Variants in VEPH1 observed in about 807,000 individuals in gnomAD.
VEPH1 encodes ventricular zone-expressed PH domain-containing protein homolog 1.
In VEPH1, 80 loss-of-function variants were observed where a neutral mutation model predicts 85.2. The ratio of observed to expected loss-of-function variants is 0.94; its 90% CI spans 0.78 to 1.13. VEPH1 has a LOEUF of 1.13. Among genes scored for constraint, VEPH1 ranks in the 50% most tolerant of loss-of-function variants. VEPH1 has a pLI of 0.00. For synonymous variants in VEPH1, 297 were observed against 348.0 expected, an observed-to-expected ratio of 0.85 and a Z score of 1.63; for missense variants, 955 against 980.5, an observed-to-expected ratio of 0.97 and a Z score of 0.35.
chr3:157,312,591 A>G (rs1465525211), intron 11 of VEPH1, among the ~76,000 whole-genome samples: 3 of 152,194 alleles, frequency 2.0e-5, no homozygotes, highest in Non-Finnish European at 4.4e-5. Flanking sequence ...TCTCATTTTC[A>G]GAGTGATATT....
intron 4 of VEPH1, among the ~76,000 whole-genome samples, chr3:157,454,982 C>T (rs1045318558): frequency 2.6e-5 from 4 of 152,148 alleles, no homozygotes; most frequent in Non-Finnish European, 4.4e-5. Context: ...TTTCTTCATC[C>T]AATCCACTGT....
intron 2 of VEPH1, among the ~76,000 whole-genome samples, chr3:157,485,325 G>A (rs114788791): frequency 1.1e-3 from 167 of 152,234 alleles, no homozygotes; most frequent in African/African-American, 3.7e-3. Context: ...TGCACATGTA[G>A]GCCATGACAA....
At chr3:157,486,734 CTACATAAGTATTAGCTATTATAATTTACA>C (rs879773196) in intron 2 of VEPH1, among the ~76,000 whole-genome samples, 3 of 152,072 alleles carry the variant, frequency 2.0e-5, no homozygotes, top group Admixed American at 2.0e-4. Flanking sequence ...ACAATAAGTG[CTACATAAGTATTAGCTATTATAATTTACA>C]CAGATTAGCC....
chr3:157,454,435 G>A lies in VEPH1; in HGVS notation c.529+5746C>T, dbSNP rs12634442. 8.6e-3 allele frequency among the ~76,000 whole-genome samples: 1,315 copies of A among 152,156 alleles called. 24 individuals are homozygous for A. The highest frequency in any genetic ancestry group is 0.068 in the East Asian group (353 of 5,176). ...GCAATGGTACTAAGAACCCACCTTAGGAATGTCTGGTACAATGAGCTTAAG... is the reference window on the plus strand; with the variant it reads ...GCAATGGTACTAAGAACCCACCTTAAGAATGTCTGGTACAATGAGCTTAAG... On this transcript the variant is annotated intron_variant, in intron 4 of 13. Transcript: ENST00000362010.
At chr3:157,276,561 A>C (rs1421953737) in intron 12 of VEPH1, among the ~76,000 whole-genome samples, 1 of 152,250 alleles carries the variant, frequency 6.6e-6, no homozygotes, top group African/African-American at 2.4e-5. Flanking sequence ...GTAAAACTGC[A>C]AAACCAATTG....
At chr3:157,341,694 G>A (rs1203170222) in intron 9 of VEPH1, among the ~76,000 whole-genome samples, 4 of 152,110 alleles carry the variant, frequency 2.6e-5, no homozygotes, top group Admixed American at 6.6e-5. Context: ...GATACTCCTC[G>A]AGAAGAGCAA....
At chr3:157,284,532 C>G (rs1716534275) in intron 12 of VEPH1, among the ~76,000 whole-genome samples, 1 of 152,028 alleles carries the variant, frequency 6.6e-6, no homozygotes, top group Non-Finnish European at 1.5e-5. Context: ...AATACTGTCT[C>G]CATGAAAAAT....
At chr3:157,361,284 CA>C (rs1726022905) in intron 9 of VEPH1, among the ~76,000 whole-genome samples, 1 of 152,188 alleles carries the variant, frequency 6.6e-6, no homozygotes, top group Non-Finnish European at 1.5e-5. Flanking sequence ...AAAGTTAGTG[CA>C]AACACTTTTG....
At chr3:157,381,442 T>C in intron 6 of VEPH1, 66 bp from the exon 7 acceptor site, 1 of 1,536,978 alleles carries the variant, frequency 6.5e-7, no homozygotes, top group Admixed American at 1.7e-5. Context: ...ATGGTGGTCA[T>C]GCCTGTAATC....
In VEPH1 at chr3:157,363,608, G is replaced by A; in HGVS notation, c.1491C>T (p.Asp497=). The change falls in exon 9 of 14, where the codon GAC becomes GAT. Residue 497 remains aspartate (D), a synonymous_variant. Transcript: ENST00000362010. ...ACTCCCCCAGCTGTGATCTCTCAGTGTCTGTCTTAAACGGCAGCTTGTCAT... is the reference window on the plus strand; with the variant it reads ...ACTCCCCCAGCTGTGATCTCTCAGTATCTGTCTTAAACGGCAGCTTGTCAT... ...QGNDKLPFKT[D]TERSQLGESS... The A allele has an allele frequency of 6.2e-7, 1 of 1,614,122 alleles. No individual in the cohort carries two copies.
chr3:157,291,113 C>T (rs1717428618), intron 11 of VEPH1, among the ~76,000 whole-genome samples: 1 of 152,172 alleles, frequency 6.6e-6, no homozygotes, highest in African/African-American at 2.4e-5. Flanking sequence ...AGATACAAAA[C>T]ATAGGATTGC....
chr3:157,488,674 A>G (rs542602228), intron 2 of VEPH1, among the ~76,000 whole-genome samples: 1 of 151,876 alleles, frequency 6.6e-6, no homozygotes, highest in Non-Finnish European at 1.5e-5. Context: ...TTCCAAAATT[A>G]TAATGGCCAG....
In VEPH1 at chr3:157,440,228, T is replaced by C. The variant is rs141010066; in HGVS notation, c.530-11740A>G. Among the ~76,000 whole-genome samples, 400 of 152,324 alleles carry C rather than the reference T, an allele frequency of 2.6e-3. 1 individual carries two copies. The highest frequency in any genetic ancestry group is 5.9e-3 in the Admixed American group (91 of 15,302). ...AAAAATCTTCAAAAGTTCAAATTAT[T>C]TAGTGAAAAAGTATCAAAGCATGAC... On this transcript the variant is annotated intron_variant, in intron 4 of 13. Coordinates refer to ENST00000362010, the MANE Select transcript of VEPH1 (RefSeq NM_001167912.2).
At chr3:157,453,827 A>T (rs1170547952) in intron 4 of VEPH1, among the ~76,000 whole-genome samples, 8 of 152,212 alleles carry the variant, frequency 5.3e-5, no homozygotes, top group Non-Finnish European at 1.2e-4. Flanking sequence ...CATCAGTCTT[A>T]AAACTCCAAA....
chr3:157,495,175 C>T (rs765798792), intron 2 of VEPH1, 37 bp downstream of exon 2: 2 of 1,600,322 alleles, frequency 1.2e-6, no homozygotes, highest in South Asian at 2.2e-5. Context: ...TAGGACAGGC[C>T]ATTTCAGAGA....
intron 9 of VEPH1, among the ~76,000 whole-genome samples, chr3:157,354,766 T>G (rs888174169): frequency 4.6e-5 from 7 of 152,190 alleles, no homozygotes; most frequent in African/African-American, 1.2e-4. Flanking sequence ...TGCTATATCT[T>G]CAGTGCCTAG....
At chr3:157,438,478 C>T (rs1345475170) in intron 4 of VEPH1, among the ~76,000 whole-genome samples, 1 of 152,144 alleles carries the variant, frequency 6.6e-6, no homozygotes, top group African/African-American at 2.4e-5. Context: ...AAGCTAATCT[C>T]CCGAAGGGTC....
chr3:157,388,662 C>T (rs1015026464), intron 6 of VEPH1, among the ~76,000 whole-genome samples: 1 of 152,068 alleles, frequency 6.6e-6, no homozygotes, highest in African/African-American at 2.4e-5. Flanking sequence ...GAGGGTTCTA[C>T]ATCCACAAAT....
chr3:157,426,091 C>T (rs919315969), intron 5 of VEPH1, among the ~76,000 whole-genome samples: 15 of 152,256 alleles, frequency 9.9e-5, no homozygotes, highest in African/African-American at 3.1e-4. Flanking sequence ...TGAGGCCTCC[C>T]CAGCCATGTG....
Sources: allele counts gnomAD v4.1 joint callset (sites outside exome capture counted in the v4.1 genomes callset), GRCh38; gene constraint gnomAD v4.1.1; transcripts MANE v1.5; gene names NCBI Gene and HGNC (gene_info 2026-07-23, HGNC 2026-07-21).